TMEM165: variants seen among roughly 807,000 people sequenced by gnomAD.
TMEM165 encodes putative divalent cation/proton antiporter TMEM165.
Under a neutral mutation model 30.0 loss-of-function variants are expected in TMEM165, and 19 were observed. The observed-to-expected ratio is 0.63, with a 90% CI of 0.44 to 0.93. The LOEUF (loss-of-function observed/expected upper bound fraction) is 0.93, where lower values mean the gene tolerates loss of function less well. Ranked by LOEUF, TMEM165 falls within the 40% of genes least tolerant of loss-of-function variation. TMEM165 has a pLI of 0.00. For synonymous variants in TMEM165, 168 were observed against 162.9 expected (o/e 1.03, Z -0.24); for missense variants, 340 against 417.0 (o/e 0.82, Z 1.61).
At chr4:55,447,431 AC>A (rs1249465964) in intron 3 of TMEM165, among the ~76,000 whole-genome samples, 1 of 152,214 alleles carries the variant, frequency 6.6e-6, no homozygotes, top group African/African-American at 2.4e-5. Flanking sequence ...AGTTATTTGT[AC>A]CTTTGGACAA....
At position 55,417,185 on chromosome 4, in the gene TMEM165, C is replaced by G. The variant is rs1202475635; in HGVS notation, c.547C>G (p.Pro183Ala). 1.2e-6 allele frequency: 2 copies of G among 1,613,760 alleles called. No homozygotes were observed. Among genetic ancestry groups the G allele is most frequent in the Non-Finnish European group, 1.7e-6 (2 of 1,179,952 alleles). The change falls in exon 3 of 6, where the codon CCT becomes GCT. Residue 183 changes from proline (P) to alanine (A), a missense_variant. Around this residue, in one of 2 missense-constraint regions of TMEM165, gnomAD observed 220 missense variants for 307.6 expected, o/e 0.72. Coordinates refer to ENST00000381334, the MANE Select transcript of TMEM165 (RefSeq NM_018475.5). ...GCTTCGGGAAGGCTTAAAGATGAGC[C>G]CTGATGAGGGTCAAGAGGAACTGGA... ...RMLREGLKMS[P>A]DEGQEELEEV... is the part of the protein sequence containing the mutation.
chr4:55,424,392 T>G, intron 4 of TMEM165, 146 bp from the exon 5 acceptor site: 1 of 597,086 alleles, frequency 1.7e-6, no homozygotes, highest in Non-Finnish European at 3.0e-6. Flanking sequence ...ATTACACCTC[T>G]CATAAATTTA....
At position 55,424,538 on chromosome 4, in the gene TMEM165, G is replaced by A. The variant is rs1253309618; in HGVS notation, c.793G>A (p.Asp265Asn). 6.2e-7 allele frequency: 1 copy of A among 1,604,378 alleles called. No individual in the cohort carries two copies. Residue 265 changes from aspartate to asparagine, a missense_variant and splice_region_variant, in exon 5 of 6, where the codon GAC becomes AAC. This residue lies in a region of TMEM165 where 220 missense variants were observed against 307.6 expected (regional missense o/e 0.72). Coordinates refer to ENST00000381334, the MANE Select transcript of TMEM165 (RefSeq NM_018475.5). ...TTAATGCTGTGACGCTTGCTTCCAG[G>A]ACCCCTATGGTGTAGCCGTGGGTGG... ...LTTIVLAARE[D>N]PYGVAVGGTV... is the part of the protein sequence containing the mutation.
chr4:55,415,243 A>G (rs1402686891), intron 2 of TMEM165: 1 of 152,198 alleles, frequency 6.6e-6, no homozygotes, highest in Non-Finnish European at 1.5e-5. Context: ...TTTTACTAGC[A>G]GTACAAACTT....
intron 3 of TMEM165, chr4:55,435,467 C>CT: frequency 6.2e-7 from 1 of 1,614,018 alleles, no homozygotes; most frequent in Non-Finnish European, 8.5e-7. Flanking sequence ...CCTGTGCCGG[C>CT]TGAGTTGCTG....
chr4:55,427,191 G>A (rs867745852), downstream of TMEM165, among the ~76,000 whole-genome samples: 11 of 151,488 alleles, frequency 7.3e-5, no homozygotes, highest in African/African-American at 2.7e-4. Flanking sequence ...GCACTACCAC[G>A]CCTGGCTAAT....
chr4:55,398,276 T>C (rs1720814987), intron 1 of TMEM165, among the ~76,000 whole-genome samples: 1 of 152,202 alleles, frequency 6.6e-6, no homozygotes, highest in Non-Finnish European at 1.5e-5. Context: ...TATGAGGAGA[T>C]TCTGATATGG....
chr4:55,450,366 A>G (rs1443163720), intron 3 of TMEM165: 1 of 915,896 alleles, frequency 1.1e-6, no homozygotes, highest in Non-Finnish European at 1.7e-6. Context: ...GTACATACAC[A>G]TGTAAAGAAA....
chr4:55,437,922 C>A (rs891048230), intron 3 of TMEM165, among the ~76,000 whole-genome samples: 4 of 152,138 alleles, frequency 2.6e-5, no homozygotes, highest in Admixed American at 2.6e-4. Context: ...GAAATCCCTG[C>A]TCTGTACAGA....
chr4:55,403,429 TCTTC>T (rs1479329764), intron 1 of TMEM165: 85 of 554,324 alleles, frequency 1.5e-4, no homozygotes, highest in Middle Eastern at 8.1e-4. Context: ...ATTTTCTTTT[TCTTC>T]CTTCTCTTGA....
At chr4:55,427,908 A>G (rs1397221782), downstream of TMEM165, 1 of 152,234 alleles carries the variant, frequency 6.6e-6, no homozygotes, top group Non-Finnish European at 1.5e-5. Flanking sequence ...TGTCATTGAT[A>G]GTGATCTTAA....
rs1722161304 is a variant in TMEM165 at position 55,425,558 on chromosome 4, C to T, written c.*106C>T. The T allele has an allele frequency of 1.1e-6, 1 of 872,896 alleles. No homozygotes were observed. Among genetic ancestry groups the T allele is most frequent in the Non-Finnish European group, 1.8e-6 (1 of 561,090 alleles). The allele number at this position is 872,896 out of a possible 1,614,324, so 54.1% of individuals were successfully genotyped here. On this transcript the variant is annotated 3_prime_UTR_variant, in exon 6 of 6. Coordinates refer to ENST00000381334, the MANE Select transcript of TMEM165 (RefSeq NM_018475.5). ...GATGGAAAAATACTGTATTTTGTAGCACTGATTTTGTGAGTTTGACCCATT... is the reference window on the plus strand; with the variant it reads ...GATGGAAAAATACTGTATTTTGTAGTACTGATTTTGTGAGTTTGACCCATT...
chr4:55,446,654 T>A (rs1454876524), intron 3 of TMEM165, among the ~76,000 whole-genome samples: 1 of 152,246 alleles, frequency 6.6e-6, no homozygotes, highest in Admixed American at 6.5e-5. Flanking sequence ...TTCTCTGTTT[T>A]ACTTGAGTCA....
exon 4 of TMEM165, chr4:55,452,971 A>G: frequency 1.0e-6 from 1 of 961,616 alleles, no homozygotes; most frequent in Non-Finnish European, 1.6e-6. Context: ...ATTTTTGAAA[A>G]ATAGTTTTCC....
chr4:55,403,159 C>T, intron 1 of TMEM165: 1 of 934,850 alleles, frequency 1.1e-6, no homozygotes, highest in Non-Finnish European at 1.5e-6. Context: ...GCATTTTCTT[C>T]TGACTCCTTT....
At chr4:55,405,574 G>A (rs1016153111) in intron 1 of TMEM165, among the ~76,000 whole-genome samples, 3 of 152,054 alleles carry the variant, frequency 2.0e-5, no homozygotes, top group African/African-American at 4.8e-5. Context: ...ACATAATAGC[G>A]TTTTAAGAGT....
intron 3 of TMEM165, among the ~76,000 whole-genome samples, chr4:55,447,726 ATATATG>A (rs1723987292): frequency 6.6e-6 from 1 of 152,192 alleles, no homozygotes. Flanking sequence ...ATCTCCTATC[ATATATG>A]TATGACTTAA....
intron 2 of TMEM165, among the ~76,000 whole-genome samples, chr4:55,414,718 A>G (rs1359966760): frequency 6.6e-6 from 1 of 152,112 alleles, no homozygotes; most frequent in African/African-American, 2.4e-5. Flanking sequence ...AAATATATCC[A>G]TAGCCTTTTT....
chr4:55,424,541 C>CCCTA lies in TMEM165; in HGVS notation c.797_800dup (p.Gly268LeufsTer55). ...ATGCTGTGACGCTTGCTTCCAGGAC[C>CCCTA]CCTATGGTGTAGCCGTGGGTGGAAC... On this transcript the variant is annotated frameshift_variant, in exon 5 of 6. Transcript: ENST00000381334. LOFTEE classifies it high-confidence loss of function. 1 of 1,607,754 alleles carries CCCTA rather than the reference C, an allele frequency of 6.2e-7. No homozygotes were observed. Among genetic ancestry groups the CCCTA allele is most frequent in the Non-Finnish European group, 8.5e-7 (1 of 1,174,356 alleles).
Sources: gnomAD v4.1 joint callset for allele counts (sites outside exome capture counted in the v4.1 genomes callset) on GRCh38, gnomAD v4.1.1 for gene constraint, gnomAD v4.1.1 regional missense constraint, MANE v1.5 for transcripts, NCBI Gene and HGNC (gene_info 2026-07-23, HGNC 2026-07-21) for gene names.